KIF16B: variants seen among roughly 807,000 people sequenced by gnomAD.
The protein encoded by KIF16B is kinesin family member 16B.
In KIF16B, 98 loss-of-function variants were observed where a neutral mutation model predicts 156.3. That is an observed-to-expected ratio of 0.63 (90% CI 0.53 to 0.74). The LOEUF (loss-of-function observed/expected upper bound fraction) is 0.74. Among genes scored for constraint, KIF16B ranks in the 30% least tolerant of loss-of-function variants. The pLI is 0.00. For missense variants in KIF16B, 1,421 were observed against 1,606.5 expected, an observed-to-expected ratio of 0.88 and a Z score of 1.97; for synonymous variants, 564 against 583.7, an observed-to-expected ratio of 0.97 and a Z score of 0.49.
rs74390492 is a variant in KIF16B at position 16,514,206 on chromosome 20, T to C, written c.349-1283A>G. Among the ~76,000 whole-genome samples the C allele has an allele frequency of 2.6e-5, 4 of 152,262 alleles. No individual in the cohort carries two copies. In the East Asian group the frequency reaches 7.7e-4, roughly 29 times the overall value. On this transcript the variant is annotated intron_variant, in intron 4 of 25. Coordinates refer to ENST00000354981, the MANE Select transcript of KIF16B (RefSeq NM_024704.5). Reference sequence around the variant, plus strand: ...ATTTCACTTTTGGAAGTTTTGTTTTTTTTTTCCAAAGGCACAGTAGGAAAG... The same window carrying C: ...ATTTCACTTTTGGAAGTTTTGTTTTCTTTTTCCAAAGGCACAGTAGGAAAG...
chr20:16,368,091 C>T, intron 22 of KIF16B: 1 of 1,306,606 alleles, frequency 7.7e-7, no homozygotes, highest in Non-Finnish European at 9.8e-7. Flanking sequence ...CTTTGACTTC[C>T]TTCATGTTGC....
At chr20:16,380,601 T>C (rs1295929754) in intron 18 of KIF16B, among the ~76,000 whole-genome samples, 1 of 152,222 alleles carries the variant, frequency 6.6e-6, no homozygotes, top group Non-Finnish European at 1.5e-5. Context: ...TGGGGTCAAA[T>C]ATCAAAGTCA....
At chr20:16,406,296 T>G (rs959146412) in intron 16 of KIF16B, 78 bp downstream of exon 16, 7 of 1,236,110 alleles carry the variant, frequency 5.7e-6, no homozygotes, top group African/African-American at 1.5e-5. Context: ...AGTCAAAAGA[T>G]TGGAACCAGA....
chr20:16,437,963 T>C (rs1396250159), intron 12 of KIF16B, among the ~76,000 whole-genome samples: 5 of 146,790 alleles, frequency 3.4e-5, no homozygotes, highest in Admixed American at 1.4e-4. Context: ...TGAAACCCCA[T>C]CTCTACTAAA....
chr20:16,429,100 T>C (rs2146433289), intron 13 of KIF16B, 96 bp from the exon 14 acceptor site: 3 of 1,005,488 alleles, frequency 3.0e-6, no homozygotes, highest in South Asian at 1.3e-5. Context: ...TAGTGGCCAA[T>C]GGGATGAACA....
chr20:16,363,429 A>C (rs959413139), intron 22 of KIF16B, among the ~76,000 whole-genome samples: 3 of 152,180 alleles, frequency 2.0e-5, no homozygotes, highest in African/African-American at 7.2e-5. Flanking sequence ...TCTGAGTCTT[A>C]TCTGTAATAG....
intron 1 of KIF16B, among the ~76,000 whole-genome samples, chr20:16,538,022 A>T (rs1343850175): frequency 6.6e-6 from 1 of 152,082 alleles, no homozygotes; most frequent in Admixed American, 6.6e-5. Flanking sequence ...ATTTTCAAGT[A>T]AGGCTTGTCT....
intron 12 of KIF16B, among the ~76,000 whole-genome samples, chr20:16,469,839 C>G (rs1472822405): frequency 2.6e-5 from 4 of 152,028 alleles, no homozygotes; most frequent in African/African-American, 7.2e-5. Context: ...TGCAAATGAG[C>G]TGAAAACGTA....
chr20:16,528,484 A>G, intron 1 of KIF16B, 44 bp from the exon 2 acceptor site: 1 of 1,365,760 alleles, frequency 7.3e-7, no homozygotes, highest in South Asian at 1.2e-5. Flanking sequence ...AGAAAAGATT[A>G]TTAAAAACAA....
chr20:16,373,207 T>C lies in KIF16B; in HGVS notation c.3350+1050A>G, dbSNP rs1174869691. Among the ~76,000 whole-genome samples, 5 of 152,312 alleles carry C rather than the reference T, an allele frequency of 3.3e-5. No homozygotes were observed. The East Asian group carries it at 7.7e-4, about 24-fold the overall frequency. Reference sequence around the variant, plus strand: ...AAAGCACAATGTTTCTGTTTCAATATTGAAAACAAAATTGTGTGCTACTGA... The same window carrying C: ...AAAGCACAATGTTTCTGTTTCAATACTGAAAACAAAATTGTGTGCTACTGA... On this transcript the variant is annotated intron_variant, in intron 20 of 25. Transcript: ENST00000354981.
intron 22 of KIF16B, among the ~76,000 whole-genome samples, chr20:16,360,925 T>A (rs1170159258): frequency 6.6e-6 from 1 of 152,180 alleles, no homozygotes; most frequent in Non-Finnish European, 1.5e-5. Flanking sequence ...TCAGAGAACA[T>A]GAAACGGTCC....
At chr20:16,372,581 C>A (rs1007007672) in intron 20 of KIF16B, among the ~76,000 whole-genome samples, 1 of 152,216 alleles carries the variant, frequency 6.6e-6, no homozygotes, top group Admixed American at 6.5e-5. Context: ...CTGGAGGAAA[C>A]AGAGAGACTA....
intron 24 of KIF16B, among the ~76,000 whole-genome samples, chr20:16,315,850 T>C (rs926455471): frequency 6.6e-6 from 1 of 152,128 alleles, no homozygotes; most frequent in East Asian, 1.9e-4. Context: ...TGGCTCATGA[T>C]AGAAATGTGA....
intron 1 of KIF16B, among the ~76,000 whole-genome samples, chr20:16,553,864 A>G (rs372567321): frequency 1.3e-5 from 2 of 151,874 alleles, no homozygotes; most frequent in African/African-American, 4.8e-5. Flanking sequence ...ACAGGAGCCC[A>G]AAGCAGGAAG....
chr20:16,558,897 CAAAAAAAAAAA>C (rs11478258), intron 1 of KIF16B, among the ~76,000 whole-genome samples: 1 of 62,062 alleles, frequency 1.6e-5, no homozygotes, highest in East Asian at 5.2e-4. Flanking sequence ...GAGCAAGACT[CAAAAAAAAAAA>C]AAAAAAAAAA....
chr20:16,362,056 C>T (rs1306575272), intron 22 of KIF16B, among the ~76,000 whole-genome samples: 3 of 152,202 alleles, frequency 2.0e-5, no homozygotes, highest in South Asian at 2.1e-4. Flanking sequence ...GCAACAACTG[C>T]TAAGTGGCTC....
intron 15 of KIF16B, among the ~76,000 whole-genome samples, chr20:16,423,178 C>A (rs1040293220): frequency 6.6e-6 from 1 of 151,874 alleles, no homozygotes; most frequent in African/African-American, 2.4e-5. Flanking sequence ...AAAGTTGGAG[C>A]TACACTTTAT....
intron 12 of KIF16B, among the ~76,000 whole-genome samples, chr20:16,480,706 G>A (rs568089755): frequency 6.6e-6 from 1 of 152,340 alleles, no homozygotes; most frequent in Non-Finnish European, 1.5e-5. Flanking sequence ...TAATCTGGGT[G>A]TGGGTTAGAT....
intron 15 of KIF16B, among the ~76,000 whole-genome samples, chr20:16,413,468 A>C (rs1242244160): frequency 6.6e-6 from 1 of 152,136 alleles, no homozygotes; most frequent in Non-Finnish European, 1.5e-5. Context: ...TAATTCTGCT[A>C]CTGCACAAAT....
Sources: allele counts gnomAD v4.1 joint callset (sites outside exome capture counted in the v4.1 genomes callset), GRCh38; gene constraint gnomAD v4.1.1; transcripts MANE v1.5; gene names NCBI Gene and HGNC (gene_info 2026-07-23, HGNC 2026-07-21).